Variants in PTPRN2 observed in about 807,000 individuals in gnomAD.
PTPRN2 encodes receptor-type tyrosine-protein phosphatase N2.
A neutral mutation model predicts 118.8 loss-of-function variants in PTPRN2; 74 were observed. That is an observed-to-expected ratio of 0.62 (90% CI 0.52 to 0.76). PTPRN2 has a LOEUF of 0.76. Among genes scored for constraint, PTPRN2 ranks in the 30% least tolerant of loss-of-function variants. The pLI, the probability that PTPRN2 is intolerant of heterozygous loss-of-function variation, is 0.00. For synonymous variants in PTPRN2, 641 were observed against 608.0 expected (o/e 1.05, Z -0.80); for missense variants, 1,481 against 1,394.4 (o/e 1.06, Z -0.99).
chr7:157,714,002 G>A (rs1798780710), intron 12 of PTPRN2, among the ~76,000 whole-genome samples: 1 of 152,218 alleles, frequency 6.6e-6, no homozygotes, highest in Middle Eastern at 3.2e-3. Context: ...GAGTGATTAT[G>A]TCTTAAAAGA....
intron 5 of PTPRN2, among the ~76,000 whole-genome samples, chr7:158,168,025 A>G (rs1352692513): frequency 3.3e-5 from 5 of 152,214 alleles, no homozygotes; most frequent in African/African-American, 1.2e-4. Context: ...ATTCGAGGAT[A>G]TTACATGGTA....
intron 11 of PTPRN2, among the ~76,000 whole-genome samples, chr7:158,061,484 G>A (rs1053917155): frequency 1.3e-5 from 2 of 151,830 alleles, no homozygotes; most frequent in African/African-American, 4.9e-5. Flanking sequence ...TGCCGCCAAT[G>A]CACTCGGCGC....
chr7:158,236,599 C>T (rs574883133), intron 3 of PTPRN2, among the ~76,000 whole-genome samples: 41 of 152,266 alleles, frequency 2.7e-4, no homozygotes, highest in African/African-American at 1.4e-4. Flanking sequence ...TTCATGGAGC[C>T]GCCGTGAAGA....
intron 15 of PTPRN2, chr7:157,613,920 C>T: frequency 2.4e-6 from 1 of 425,000 alleles, no homozygotes; most frequent in Non-Finnish European, 4.9e-6. Context: ...CTCCTCGAGC[C>T]CCTTACAGGC....
chr7:157,673,470 T>C (rs1796509409), intron 13 of PTPRN2, among the ~76,000 whole-genome samples: 1 of 152,220 alleles, frequency 6.6e-6, no homozygotes, highest in Non-Finnish European at 1.5e-5. Flanking sequence ...AAAGCCGCTG[T>C]TCAGACACCT....
At chr7:158,441,870 C>G (rs111219472) in intron 2 of PTPRN2, among the ~76,000 whole-genome samples, 1 of 42,906 alleles carries the variant, frequency 2.3e-5, no homozygotes, top group African/African-American at 8.0e-5. Flanking sequence ...ATGGTCATGG[C>G]AGTGGTGGTG....
chr7:158,466,995 C>G (rs184594198), intron 2 of PTPRN2, among the ~76,000 whole-genome samples: 1 of 152,186 alleles, frequency 6.6e-6, no homozygotes, highest in Admixed American at 6.5e-5. Context: ...GAGCTGAGAT[C>G]GTGCCACTGT....
rs544583717 is a variant in PTPRN2 at position 157,995,778 on chromosome 7, T to C, written c.1723+85520A>G. On this transcript the variant is annotated intron_variant, in intron 11 of 22. Coordinates refer to ENST00000389418, the MANE Select transcript of PTPRN2 (RefSeq NM_002847.5). Reference sequence around the variant, plus strand: ...GAGGTGCAGAAGGAGGGGTCATCCATGGAAATCTGACTTCTACGGCAAACT... The same window carrying C: ...GAGGTGCAGAAGGAGGGGTCATCCACGGAAATCTGACTTCTACGGCAAACT... Among the ~76,000 whole-genome samples the C allele has an allele frequency of 5.3e-5, 8 of 152,358 alleles. No homozygotes were observed. In the South Asian group the frequency reaches 1.7e-3, roughly 32 times the overall value.
chr7:158,318,811 AC>A (rs1802567116), intron 2 of PTPRN2, among the ~76,000 whole-genome samples: 1 of 152,160 alleles, frequency 6.6e-6, no homozygotes, highest in Non-Finnish European at 1.5e-5. Context: ...TCCGGGCCCC[AC>A]TCGGCCACTC....
At chr7:157,809,767 G>A (rs1383106938) in intron 12 of PTPRN2, among the ~76,000 whole-genome samples, 5 of 152,034 alleles carry the variant, frequency 3.3e-5, no homozygotes, top group South Asian at 4.1e-4. Flanking sequence ...TCCAGCTTCC[G>A]GCCCGCGGTC....
In PTPRN2 at chr7:157,651,453, G is replaced by A. The variant is rs73516812; in HGVS notation, c.2196+4904C>T. On this transcript the variant is annotated intron_variant, in intron 14 of 22. Coordinates refer to ENST00000389418, the MANE Select transcript of PTPRN2 (RefSeq NM_002847.5). ...AGTTAAGTTCTATATTATTTAAGTC[G>A]AATGGAGAAGTATGAAGCCAACTTT... Among the ~76,000 whole-genome samples the A allele has an allele frequency of 1.7e-3, 253 of 152,256 alleles. 1 individual carries two copies. Among genetic ancestry groups the A allele is most frequent in the South Asian group, 0.013 (64 of 4,820 alleles).
At chr7:158,257,342 G>A (rs2150912396) in intron 3 of PTPRN2, among the ~76,000 whole-genome samples, 2 of 152,274 alleles carry the variant, frequency 1.3e-5, no homozygotes, top group East Asian at 3.9e-4. Context: ...GGAACCAAAT[G>A]TTCAGAGAGT....
chr7:158,071,366 CATG>C (rs144140407), intron 11 of PTPRN2, among the ~76,000 whole-genome samples: 1,449 of 49,516 alleles, frequency 0.029, 116 homozygotes, highest in African/African-American at 0.051. Flanking sequence ...TGGAGGTGCT[CATG>C]GTGGTGGAGG....
At chr7:158,087,088 G>A (rs1280775190) in intron 10 of PTPRN2, among the ~76,000 whole-genome samples, 1 of 152,194 alleles carries the variant, frequency 6.6e-6, no homozygotes, top group East Asian at 1.9e-4. Flanking sequence ...TAGCTGACAT[G>A]CGACAGGGTT....
intron 11 of PTPRN2, among the ~76,000 whole-genome samples, chr7:158,008,520 A>G (rs1156837520): frequency 6.6e-6 from 1 of 152,226 alleles, no homozygotes; most frequent in Non-Finnish European, 1.5e-5. Context: ...CTTTCTCACT[A>G]TCAAAGAGCA....
chr7:158,404,801 TGGCCCCCAGCTCCCC>T (rs1463937246), intron 2 of PTPRN2, among the ~76,000 whole-genome samples: 13 of 42,044 alleles, frequency 3.1e-4, no homozygotes, highest in East Asian at 6.3e-4. Context: ...TCCAGCTCCC[TGGCCCCCAGCTCCCC>T]GGCCCCCAGC....
chr7:157,814,142 A>G (rs1000975030), intron 12 of PTPRN2, among the ~76,000 whole-genome samples: 10 of 152,242 alleles, frequency 6.6e-5, no homozygotes, highest in African/African-American at 2.4e-4. Context: ...TTCTCCTGCC[A>G]TCTGCTCAGG....
rs748100508 is a variant in PTPRN2 at position 158,525,650 on chromosome 7, G to A, written c.113-35865C>T. Among the ~76,000 whole-genome samples the A allele has an allele frequency of 4.6e-5, 7 of 152,146 alleles. No individual in the cohort carries two copies. The highest frequency in any genetic ancestry group is 1.9e-4 in the East Asian group (1 of 5,178). On this transcript the variant is annotated intron_variant, in intron 1 of 22. Coordinates refer to ENST00000389418, the MANE Select transcript of PTPRN2 (RefSeq NM_002847.5). The surrounding 1 kb of genome is among the most constrained non-coding windows in gnomAD (Gnocchi z 4.1). ...TATTCAGCATAATCACACATATTAC[G>A]GGGATTTTTAAAGATCCTTTCATGC...
chr7:158,364,970 AACAC>A (rs887937635), intron 2 of PTPRN2, among the ~76,000 whole-genome samples: 121 of 49,732 alleles, frequency 2.4e-3, no homozygotes, highest in African/African-American at 0.012. Context: ...GTGCACCCAC[AACAC>A]ACACATTCAC....
Sources: gnomAD v4.1 joint callset for allele counts (sites outside exome capture counted in the v4.1 genomes callset) on GRCh38, gnomAD v4.1.1 for gene constraint, Gnocchi (gnomAD v3.1) non-coding constraint, MANE v1.5 for transcripts, NCBI Gene and HGNC (gene_info 2026-07-23, HGNC 2026-07-21) for gene names.